Variants in MIA2 observed in about 807,000 individuals in gnomAD.
MIA2 encodes melanoma inhibitory activity protein 2.
MIA2 carries 127 observed loss-of-function variants against 167.8 expected under a neutral mutation model. The observed-to-expected ratio is 0.76, with a 90% CI of 0.66 to 0.88. The LOEUF (loss-of-function observed/expected upper bound fraction) is 0.88, where lower values mean the gene tolerates loss of function less well. MIA2 is among the 40% of genes least tolerant of loss of function. The pLI, the probability that MIA2 is intolerant of heterozygous loss-of-function variation, is 0.00. For synonymous variants in MIA2, 552 were observed against 541.9 expected (o/e 1.02, Z -0.26); for missense variants, 1,690 against 1,624.7 (o/e 1.04, Z -0.69).
intron 23 of MIA2, among the ~76,000 whole-genome samples, chr14:39,368,272 AGAAG>A (rs2074863978): frequency 6.6e-6 from 1 of 152,194 alleles, no homozygotes; most frequent in Admixed American, 6.5e-5. Context: ...ATGGAGAGAG[AGAAG>A]GAAGAAAAAT....
At chr14:39,265,138 G>T in intron 6 of MIA2, 1 of 332,758 alleles carries the variant, frequency 3.0e-6, no homozygotes, top group Non-Finnish European at 5.3e-6. Context: ...AACATATATA[G>T]GTGCATATGT....
chr14:39,285,800 T>C (rs2059672609), intron 9 of MIA2, among the ~76,000 whole-genome samples: 1 of 143,736 alleles, frequency 7.0e-6, no homozygotes, highest in Non-Finnish European at 1.5e-5. Context: ...TCCTCACTTC[T>C]CAGATGGGGC....
chr14:39,244,649 T>C (rs2054208306), intron 3 of MIA2, among the ~76,000 whole-genome samples: 1 of 152,112 alleles, frequency 6.6e-6, no homozygotes, highest in African/African-American at 2.4e-5. Context: ...TTTCTAACAT[T>C]CAGATTAAAA....
At chr14:39,376,897 G>C (rs2075055995) in intron 23 of MIA2, among the ~76,000 whole-genome samples, 1 of 152,220 alleles carries the variant, frequency 6.6e-6, no homozygotes, top group Non-Finnish European at 1.5e-5. Context: ...AGGTGATAGA[G>C]TGGAGATATT....
intron 18 of MIA2, among the ~76,000 whole-genome samples, chr14:39,309,710 CTG>C (rs779332508): frequency 3.9e-5 from 6 of 152,098 alleles, no homozygotes; most frequent in Non-Finnish European, 5.9e-5. Context: ...AATACAAGCT[CTG>C]AGAGAAAATT....
chr14:39,331,698 T>G (rs8008362), intron 25 of MIA2, among the ~76,000 whole-genome samples: 183 of 152,368 alleles, frequency 1.2e-3, no homozygotes, highest in African/African-American at 4.0e-3. Flanking sequence ...AAGGATTTTA[T>G]TTTTCCTTTA....
downstream of MIA2, among the ~76,000 whole-genome samples, chr14:39,353,963 A>G (rs1311555210): frequency 3.3e-5 from 5 of 152,164 alleles, no homozygotes; most frequent in African/African-American, 9.7e-5. Context: ...CCAGTCTATC[A>G]TTGTCGGACA....
At chr14:39,285,498 G>C (rs371862362) in intron 9 of MIA2, among the ~76,000 whole-genome samples, 2 of 99,216 alleles carry the variant, frequency 2.0e-5, no homozygotes, top group African/African-American at 7.0e-5. Context: ...CCTCCCGGAC[G>C]GGGCGGCTGG....
intron 6 of MIA2, among the ~76,000 whole-genome samples, chr14:39,262,698 T>C (rs938317195): frequency 6.6e-6 from 1 of 152,236 alleles, no homozygotes; most frequent in African/African-American, 2.4e-5. Flanking sequence ...CAATGAGCAG[T>C]GGTTTGTAGT....
At chr14:39,265,245 C>T in intron 6 of MIA2, 2 of 667,574 alleles carry the variant, frequency 3.0e-6, no homozygotes, top group South Asian at 3.5e-5. Context: ...CTGTAGCACC[C>T]CTTTACCACA....
rs202071978 is a variant in MIA2, at chr14:39,279,339, T to G, written c.2022T>G (p.Val674=). The change falls in exon 8 of 29, where the codon GTT becomes GTG. Residue 674 remains valine (V), a splice_region_variant and synonymous_variant. Coordinates refer to ENST00000640607, the MANE Select transcript of MIA2 (RefSeq NM_001329214.4). ...LFFLWRSFRS[V]RSRLYVGREK... is the part of the protein sequence containing the mutation. ...TTTTTGTTAAAAATTTGTTTCAGGT[T>G]AGGAGTCGGCTTTATGTGGGTAAGT... 20 of 1,606,616 alleles carry G rather than the reference T, an allele frequency of 1.2e-5. No homozygotes were observed. The Admixed American group carries it at 3.4e-4, about 28-fold the overall frequency.
intron 24 of MIA2, among the ~76,000 whole-genome samples, chr14:39,325,301 A>C (rs1192119011): frequency 6.6e-6 from 1 of 152,024 alleles, no homozygotes; most frequent in African/African-American, 2.4e-5. Context: ...TAATTTTGAG[A>C]AGACCCCCCT....
intron 6 of MIA2, among the ~76,000 whole-genome samples, chr14:39,262,694 G>T (rs1462615735): frequency 6.6e-6 from 1 of 152,190 alleles, no homozygotes; most frequent in African/African-American, 2.4e-5. Context: ...ATTTCAATGA[G>T]CAGTGGTTTG....
intron 6 of MIA2, among the ~76,000 whole-genome samples, chr14:39,270,337 G>T (rs1047558748): frequency 1.3e-5 from 2 of 151,274 alleles, no homozygotes; most frequent in African/African-American, 4.9e-5. Context: ...GTGTAGCTGG[G>T]ACTATAGGCA....
chr14:39,294,142 A>G (rs1239114485), intron 12 of MIA2, 71 bp downstream of exon 12: 3 of 1,083,544 alleles, frequency 2.8e-6, no homozygotes, highest in African/African-American at 3.2e-5. Flanking sequence ...AAAATTAAGA[A>G]ATAAGACACA....
intron 16 of MIA2, 80 bp downstream of exon 16, chr14:39,303,604 A>G: frequency 1.0e-6 from 1 of 984,794 alleles, no homozygotes; most frequent in Non-Finnish European, 1.5e-6. Flanking sequence ...AAATGTTTAA[A>G]AAGTCCATTT....
intron 25 of MIA2, among the ~76,000 whole-genome samples, chr14:39,341,677 T>G (rs143016407): frequency 3.2e-4 from 49 of 152,162 alleles, no homozygotes; most frequent in African/African-American, 1.2e-3. Flanking sequence ...GAAAAAAAGG[T>G]ATGCAGTAGC....
intron 28 of MIA2, among the ~76,000 whole-genome samples, chr14:39,349,533 T>C (rs1168676845): frequency 6.6e-6 from 1 of 152,220 alleles, no homozygotes; most frequent in Non-Finnish European, 1.5e-5. Context: ...ACTATAGGGT[T>C]CTGCAGAATA....
At chr14:39,353,841 T>G (rs1041377216), downstream of MIA2, among the ~76,000 whole-genome samples, 1 of 152,224 alleles carries the variant, frequency 6.6e-6, no homozygotes, top group East Asian at 1.9e-4. Context: ...TGCGATAGTT[T>G]GCTGAGAATG....
Sources: allele counts gnomAD v4.1 joint callset (sites outside exome capture counted in the v4.1 genomes callset), GRCh38; gene constraint gnomAD v4.1.1; transcripts MANE v1.5; gene names NCBI Gene and HGNC (gene_info 2026-07-23, HGNC 2026-07-21).